Variants in ASCC3 observed in about 807,000 individuals in gnomAD.
The protein encoded by ASCC3 is ASC-1 complex subunit P200.
Under a neutral mutation model 256.3 loss-of-function variants are expected in ASCC3, and 158 were observed. The ratio of observed to expected loss-of-function variants is 0.62; its 90% CI spans 0.54 to 0.70. The LOEUF is 0.70. Among genes scored for constraint, ASCC3 ranks in the 30% least tolerant of loss-of-function variants. The pLI is 0.00. For synonymous variants in ASCC3, 948 were observed against 883.4 expected (o/e 1.07, Z -1.30); for missense variants, 2,259 against 2,626.0 (o/e 0.86, Z 3.05).
At chr6:100,780,637 CT>C (rs1024605575) in intron 8 of ASCC3, among the ~76,000 whole-genome samples, 1 of 152,056 alleles carries the variant, frequency 6.6e-6, no homozygotes, top group Non-Finnish European at 1.5e-5. Flanking sequence ...ATTAAGGAGT[CT>C]TTAGGAAAGA....
chr6:100,558,740 T>A (rs1300743135), intron 36 of ASCC3, among the ~76,000 whole-genome samples: 1 of 152,170 alleles, frequency 6.6e-6, no homozygotes, highest in East Asian at 1.9e-4. Flanking sequence ...CTACCTCGAC[T>A]TAACACTGCT....
At position 100,560,793 on chromosome 6, in the gene ASCC3, G is replaced by GCA. The variant is rs1482505583; in HGVS notation, c.5551-20408_5551-20407dup. Among the ~76,000 whole-genome samples, 52 of 99,062 alleles carry GCA rather than the reference G, an allele frequency of 5.2e-4. No individual in the cohort carries two copies. The East Asian group carries it at 0.02, about 37-fold the overall frequency. 65.0% of individuals were successfully genotyped at this position (99,062 alleles called of 152,430 possible). On this transcript the variant is annotated intron_variant, in intron 36 of 41. Coordinates refer to ENST00000369162, the MANE Select transcript of ASCC3 (RefSeq NM_006828.4). ...CACACACACACACACACACACACAC[G>GCA]CACACATAACAGGCAAGCACATACT...
chr6:100,798,206 G>A (rs1284594387), intron 8 of ASCC3, among the ~76,000 whole-genome samples: 2 of 151,970 alleles, frequency 1.3e-5, no homozygotes, highest in Non-Finnish European at 2.9e-5. Flanking sequence ...TTGAAATAGA[G>A]CAAATGTGCC....
At chr6:100,800,175 C>A in intron 6 of ASCC3, 125 bp downstream of exon 6, 1 of 1,008,288 alleles carries the variant, frequency 9.9e-7, no homozygotes, top group East Asian at 2.5e-5. Context: ...AAACAAACTT[C>A]TATGAAGAAA....
At chr6:100,686,785 A>G (rs1444484726) in intron 13 of ASCC3, among the ~76,000 whole-genome samples, 1 of 152,186 alleles carries the variant, frequency 6.6e-6, no homozygotes, top group African/African-American at 2.4e-5. Context: ...GTCAAAGTAT[A>G]TAAGACTATT....
intron 10 of ASCC3, among the ~76,000 whole-genome samples, chr6:100,741,826 T>C (rs912258522): frequency 6.6e-6 from 1 of 152,226 alleles, no homozygotes; most frequent in Non-Finnish European, 1.5e-5. Flanking sequence ...GGCTACAACA[T>C]GCTCCTTTAG....
At position 100,783,254 on chromosome 6, in the gene ASCC3, C is replaced by T. The variant is rs142488292; in HGVS notation, c.1395+15459G>A. On this transcript the variant is annotated intron_variant, in intron 8 of 41. Coordinates refer to ENST00000369162, the MANE Select transcript of ASCC3 (RefSeq NM_006828.4). ...TACTCAGTGTTCTTCCCAGCGTTCT[C>T]TTTTTTGGTCTTAACATGGCTAGTT... 2.0e-5 allele frequency among the ~76,000 whole-genome samples: 3 copies of T among 152,220 alleles called. No homozygotes were observed. In the East Asian group the frequency reaches 5.8e-4, roughly 29 times the overall value.
At chr6:100,840,919 A>C (rs995124070) in intron 4 of ASCC3, among the ~76,000 whole-genome samples, 2 of 152,038 alleles carry the variant, frequency 1.3e-5, no homozygotes, top group Non-Finnish European at 2.9e-5. Context: ...ATAAAAATTG[A>C]AATTTCCATC....
At chr6:100,872,532 C>T (rs1359033769) in intron 1 of ASCC3, among the ~76,000 whole-genome samples, 1 of 151,806 alleles carries the variant, frequency 6.6e-6, no homozygotes, top group African/African-American at 2.4e-5. Flanking sequence ...GACAGAGCAC[C>T]GTGTGGAGTC....
At chr6:100,723,898 T>TATATATATATA in intron 11 of ASCC3, among the ~76,000 whole-genome samples, 1 of 106,260 alleles carries the variant, frequency 9.4e-6, no homozygotes, top group African/African-American at 3.4e-5. Flanking sequence ...ATATATATAT[T>TATATATATATA]TATAATTATA....
intron 10 of ASCC3, among the ~76,000 whole-genome samples, chr6:100,762,508 T>A (rs565321751): frequency 6.6e-6 from 1 of 152,290 alleles, no homozygotes; most frequent in South Asian, 2.1e-4. Context: ...GTTGGAAAAG[T>A]AGATAAGTGT....
At chr6:100,839,669 T>G (rs1440031361) in intron 4 of ASCC3, among the ~76,000 whole-genome samples, 1 of 152,168 alleles carries the variant, frequency 6.6e-6, no homozygotes, top group Non-Finnish European at 1.5e-5. Context: ...CAAAAGAGGT[T>G]GGTATATTTA....
intron 38 of ASCC3, among the ~76,000 whole-genome samples, chr6:100,516,826 G>A (rs1398174461): frequency 6.6e-6 from 1 of 152,038 alleles, no homozygotes; most frequent in African/African-American, 2.4e-5. Flanking sequence ...CCAGTAAGAA[G>A]AAAAATATAA....
chr6:100,715,692 C>T (rs527266532), intron 12 of ASCC3, among the ~76,000 whole-genome samples, 159 bp from the exon 13 acceptor site: 1 of 151,278 alleles, frequency 6.6e-6, no homozygotes, highest in East Asian at 1.9e-4. Flanking sequence ...TATAACAATC[C>T]ATTAAAAAAT....
intron 14 of ASCC3, among the ~76,000 whole-genome samples, chr6:100,667,652 T>C (rs1216136914): frequency 1.3e-5 from 2 of 151,962 alleles, no homozygotes; most frequent in Non-Finnish European, 2.9e-5. Context: ...GGGATGAACA[T>C]GACATAAAAG....
In ASCC3 at chr6:100,676,098, G is replaced by A. The variant is rs142204588; in HGVS notation, c.2286+3520C>T. Among the ~76,000 whole-genome samples, 101 of 152,096 alleles carry A rather than the reference G, an allele frequency of 6.6e-4. 2 individuals are homozygous for A. Among genetic ancestry groups the A allele is most frequent in the Middle Eastern group, 3.4e-3 (1 of 294 alleles). On this transcript the variant is annotated intron_variant, in intron 14 of 41. Transcript: ENST00000369162. ...TGGTTTCTTAAGACACAATCTTTGAGGGGGAGAGTATACAAGTATTAAATA... is the reference window on the plus strand; with the variant it reads ...TGGTTTCTTAAGACACAATCTTTGAAGGGGAGAGTATACAAGTATTAAATA...
chr6:100,662,407 G>T lies in ASCC3; in HGVS notation c.2416C>A (p.Leu806Ile), dbSNP rs1271868430. 1 of 1,613,256 alleles carries T rather than the reference G, an allele frequency of 6.2e-7. No individual in the cohort carries two copies. The highest frequency in any genetic ancestry group is 8.5e-7 in the Non-Finnish European group (1 of 1,179,478). Residue 806 changes from leucine to isoleucine, a missense_variant, in exon 15 of 42, where the codon CTA (leucine) becomes ATA (isoleucine). Physicochemically the swap from Leu to Ile is conservative, Grantham distance 5 (BLOSUM62 2). This residue lies in a region of ASCC3 where 1,839 missense variants were observed against 2,206.7 expected (regional missense o/e 0.83). Transcript: ENST00000369162. Reference protein sequence around the residue: ...NLFSNGHIKVLVCTATLAWGV... With the variant: ...NLFSNGHIKVIVCTATLAWGV... ...CAGGCTAACGTAGCTGTACACACTA[G>T]GACTTTGATATGCCCATTAGAAAAC...
chr6:100,712,695 T>C (rs1429047530), intron 13 of ASCC3, among the ~76,000 whole-genome samples: 1 of 151,980 alleles, frequency 6.6e-6, no homozygotes, highest in African/African-American at 2.4e-5. Flanking sequence ...GAAGATAGTT[T>C]GGTAGTTTTT....
chr6:100,547,556 T>C (rs1487357212), intron 36 of ASCC3, among the ~76,000 whole-genome samples: 1 of 152,028 alleles, frequency 6.6e-6, no homozygotes, highest in Non-Finnish European at 1.5e-5. Flanking sequence ...TTTTAACAGA[T>C]ACTTTATGTA....
Sources: allele counts gnomAD v4.1 joint callset (sites outside exome capture counted in the v4.1 genomes callset), GRCh38; gene constraint gnomAD v4.1.1; regional missense constraint gnomAD v4.1.1; transcripts MANE v1.5; gene names NCBI Gene and HGNC (gene_info 2026-07-23, HGNC 2026-07-21).